CCDC85A: variants seen among roughly 807,000 people sequenced by gnomAD.
The protein encoded by CCDC85A is coiled-coil domain containing 85A, also known as coiled-coil domain-containing protein 85A.
CCDC85A carries 38 observed loss-of-function variants against 50.2 expected under a neutral mutation model. The observed-to-expected ratio is 0.76, with a 90% CI of 0.58 to 0.99. CCDC85A has a LOEUF of 0.99. Ranked by LOEUF, CCDC85A falls within the 50% of genes least tolerant of loss-of-function variation. The pLI is 0.00. For synonymous variants in CCDC85A, 366 were observed against 301.4 expected, an observed-to-expected ratio of 1.21 and a Z score of -2.22; for missense variants, 820 against 742.0, an observed-to-expected ratio of 1.11 and a Z score of -1.22.
chr2:56,205,910 A>G (rs1257580010), intron 2 of CCDC85A, among the ~76,000 whole-genome samples: 5 of 152,132 alleles, frequency 3.3e-5, no homozygotes, highest in Non-Finnish European at 7.3e-5. Context: ...TGAGCCTGGG[A>G]GATGGGTCAT....
chr2:56,333,178 G>A (rs1673899996), intron 2 of CCDC85A, among the ~76,000 whole-genome samples: 1 of 152,170 alleles, frequency 6.6e-6, no homozygotes. Flanking sequence ...TAATACAGCA[G>A]GATAAAGCAG....
chr2:56,252,546 T>C (rs1322291649), intron 2 of CCDC85A, among the ~76,000 whole-genome samples: 1 of 152,128 alleles, frequency 6.6e-6, no homozygotes, highest in Non-Finnish European at 1.5e-5. Flanking sequence ...GGTATTTTTT[T>C]TTTAGGTTTA....
At chr2:56,200,481 G>A (rs922216791) in intron 2 of CCDC85A, among the ~76,000 whole-genome samples, 8 of 152,116 alleles carry the variant, frequency 5.3e-5, no homozygotes, top group Admixed American at 3.3e-4. Context: ...TAAAGTCTCA[G>A]CTCTAATTTA....
intron 2 of CCDC85A, among the ~76,000 whole-genome samples, chr2:56,227,397 T>TA (rs1668586677): frequency 6.6e-6 from 1 of 152,216 alleles, no homozygotes; most frequent in Admixed American, 6.5e-5. Context: ...TATGCTTTTT[T>TA]ATTAAATGAT....
chr2:56,288,729 A>G (rs980901778), intron 2 of CCDC85A, among the ~76,000 whole-genome samples: 3 of 152,130 alleles, frequency 2.0e-5, no homozygotes, highest in Non-Finnish European at 4.4e-5. Flanking sequence ...AGTTAAATCA[A>G]TATTTTTTAA....
chr2:56,353,415 C>T (rs989452180), intron 3 of CCDC85A, among the ~76,000 whole-genome samples: 10 of 152,216 alleles, frequency 6.6e-5, no homozygotes, highest in African/African-American at 2.2e-4. Flanking sequence ...TTGTGGATTT[C>T]TCTCTGGTTA....
chr2:56,383,541 A>T (rs1300502616), intron 5 of CCDC85A: 2 of 972,142 alleles, frequency 2.1e-6, no homozygotes, highest in Non-Finnish European at 2.4e-6. Context: ...CTTCTAACAT[A>T]TTGTAATTGT....
intron 2 of CCDC85A, among the ~76,000 whole-genome samples, chr2:56,273,580 A>C (rs1670793296): frequency 6.6e-6 from 1 of 152,068 alleles, no homozygotes; most frequent in South Asian, 2.1e-4. Context: ...AGAAATAAAA[A>C]TATTTTAAAA....
chr2:56,292,644 A>G (rs1363388955), intron 2 of CCDC85A, among the ~76,000 whole-genome samples: 1 of 152,196 alleles, frequency 6.6e-6, no homozygotes, highest in Non-Finnish European at 1.5e-5. Context: ...ATAAATAAAT[A>G]CATAAGGAAA....
intron 2 of CCDC85A, among the ~76,000 whole-genome samples, chr2:56,253,742 T>C (rs1217812289): frequency 6.6e-6 from 1 of 152,144 alleles, no homozygotes; most frequent in Admixed American, 6.6e-5. Flanking sequence ...ATAGGACTTA[T>C]TGATGGATTA....
rs767454240 is a variant in CCDC85A, at chr2:56,193,036, C to A, written c.836C>A (p.Pro279Gln). The A allele has an allele frequency of 3.1e-6, 5 of 1,613,778 alleles. No individual in the cohort carries two copies. Among genetic ancestry groups the A allele is most frequent in the Non-Finnish European group, 4.2e-6 (5 of 1,179,892 alleles). ...DRPKALKGPS[P>Q]EHHKPLCKGS... ...CCCAAAGCACTCAAAGGACCTAGCC[C>A]GGAGCACCACAAACCCTTGTGCAAG... is the stretch of plus-strand genomic sequence containing the variant. Residue 279 changes from proline to glutamine, a missense_variant, in exon 2 of 6, where the codon CCG becomes CAG. Coordinates refer to ENST00000407595, the MANE Select transcript of CCDC85A (RefSeq NM_001080433.2).
chr2:56,325,425 G>A (rs1241359601), intron 2 of CCDC85A, among the ~76,000 whole-genome samples: 2 of 152,058 alleles, frequency 1.3e-5, no homozygotes, highest in African/African-American at 4.8e-5. Context: ...TAAAATTAGT[G>A]CATTGAGATA....
At chr2:56,286,510 A>T (rs897096967) in intron 2 of CCDC85A, among the ~76,000 whole-genome samples, 5 of 152,180 alleles carry the variant, frequency 3.3e-5, no homozygotes, top group African/African-American at 1.2e-4. Context: ...ATCTGCTACT[A>T]AGACTACTTG....
At chr2:56,298,476 G>A (rs2104177917) in intron 2 of CCDC85A, among the ~76,000 whole-genome samples, 1 of 152,298 alleles carries the variant, frequency 6.6e-6, no homozygotes, top group South Asian at 2.1e-4. Flanking sequence ...CTTTCAATGA[G>A]TATTTAGGTC....
chr2:56,306,841 A>G (rs1372893912), intron 2 of CCDC85A, among the ~76,000 whole-genome samples: 6 of 152,210 alleles, frequency 3.9e-5, no homozygotes, highest in Non-Finnish European at 8.8e-5. Context: ...GAGACAATCT[A>G]GTAGGATACT....
At chr2:56,308,323 G>T (rs1218418469) in intron 2 of CCDC85A, among the ~76,000 whole-genome samples, 1 of 152,180 alleles carries the variant, frequency 6.6e-6, no homozygotes, top group Non-Finnish European at 1.5e-5. Flanking sequence ...GGAAGACAGT[G>T]TTGGGGGAAC....
chr2:56,227,311 A>G (rs1019631362), intron 2 of CCDC85A, among the ~76,000 whole-genome samples: 2 of 152,334 alleles, frequency 1.3e-5, no homozygotes, highest in East Asian at 1.9e-4. Context: ...CTCAGATCAT[A>G]TTGTAGCTGA....
In CCDC85A at chr2:56,250,579, A is replaced by G. The variant is rs375234796; in HGVS notation, c.1240+57139A>G. Among the ~76,000 whole-genome samples, 5 of 152,194 alleles carry G rather than the reference A, an allele frequency of 3.3e-5. No homozygotes were observed. The South Asian group carries it at 1.0e-3, about 32-fold the overall frequency. ...GAGAGTCGGGAGAATAGGAGGAGAC[A>G]AGGGCAGGACATTTTGGGTTTCCTG... On this transcript the variant is annotated intron_variant, in intron 2 of 5. Coordinates refer to ENST00000407595, the MANE Select transcript of CCDC85A (RefSeq NM_001080433.2).
chr2:56,322,446 A>G (rs557696569), intron 2 of CCDC85A, among the ~76,000 whole-genome samples: 2 of 152,334 alleles, frequency 1.3e-5, no homozygotes. Flanking sequence ...CAGATTTACA[A>G]GAAAAAATCA....
Sources: allele counts gnomAD v4.1 joint callset (sites outside exome capture counted in the v4.1 genomes callset), GRCh38; gene constraint gnomAD v4.1.1; transcripts MANE v1.5; gene names NCBI Gene and HGNC (gene_info 2026-07-23, HGNC 2026-07-21).